Variants in DIPK2B observed in about 807,000 individuals in gnomAD.
DIPK2B encodes UPF0672 protein CXorf36.
In DIPK2B, 15 loss-of-function variants were observed where a neutral mutation model predicts 22.2. That is an observed-to-expected ratio of 0.68 (90% CI 0.45 to 1.04). The LOEUF is 1.04. Among genes scored for constraint, DIPK2B ranks in the 50% least tolerant of loss-of-function variants. The pLI, the probability that DIPK2B is intolerant of heterozygous loss-of-function variation, is 0.00. For missense variants in DIPK2B, 345 were observed against 348.3 expected, an observed-to-expected ratio of 0.99 and a Z score of 0.08; for synonymous variants, 163 against 153.2, an observed-to-expected ratio of 1.06 and a Z score of -0.47.
chrX:45,154,270 TCTATCTCC>T, intron 3 of DIPK2B, 72 bp from the exon 4 acceptor site: 1 of 877,851 alleles, frequency 1.1e-6, no homozygotes, highest in Non-Finnish European at 1.5e-6. Context: ...ATTATCTCTA[TCTATCTCC>T]CTATCTATCT....
At chrX:45,181,434 G>A (rs777328568) in intron 2 of DIPK2B, among the ~76,000 whole-genome samples, 6 of 111,825 alleles carry the variant, frequency 5.4e-5, no homozygotes, top group Non-Finnish European at 1.1e-4. Flanking sequence ...TCTGAGAGGC[G>A]TACACTACAG....
intron 2 of DIPK2B, among the ~76,000 whole-genome samples, chrX:45,174,945 G>A (rs967946352): frequency 1.8e-5 from 2 of 111,719 alleles, no homozygotes; most frequent in Non-Finnish European, 3.8e-5. Flanking sequence ...CTACAGGGAA[G>A]TAGAGAAGCC....
At chrX:45,156,358 C>T (rs1048638553) in intron 3 of DIPK2B, among the ~76,000 whole-genome samples, 2 of 111,447 alleles carry the variant, frequency 1.8e-5, no homozygotes, top group African/African-American at 6.5e-5. Context: ...CAGCCATTCC[C>T]GGGTTCCATG....
chrX:45,184,846 CATT>C (rs2148347244), intron 2 of DIPK2B, among the ~76,000 whole-genome samples: 1 of 112,138 alleles, frequency 8.9e-6, no homozygotes, highest in African/African-American at 3.2e-5. Flanking sequence ...GAGTTTTCAT[CATT>C]GTTATTATCC....
chrX:45,177,782 C>G (rs1304531014), intron 2 of DIPK2B, among the ~76,000 whole-genome samples: 2 of 111,398 alleles, frequency 1.8e-5, no homozygotes, highest in Non-Finnish European at 3.8e-5. Context: ...ATTTCAGGGA[C>G]TCTAAAATCA....
chrX:45,187,472 A>G (rs201960466), intron 2 of DIPK2B, among the ~76,000 whole-genome samples: 7,791 of 64,412 alleles, frequency 0.12, 286 homozygotes, highest in East Asian at 0.24. Context: ...GCGCGCGCAC[A>G]CACACACACA....
intron 2 of DIPK2B, chrX:45,164,123 T>A: frequency 8.8e-7 from 1 of 1,135,488 alleles, no homozygotes; most frequent in Non-Finnish European, 1.2e-6. Context: ...GTGGTTGGTA[T>A]AACACAGTTG....
chrX:45,183,047 G>A (rs768097761), intron 2 of DIPK2B, among the ~76,000 whole-genome samples: 19 of 111,910 alleles, frequency 1.7e-4, no homozygotes, highest in African/African-American at 5.8e-4. Context: ...GTAAATACAC[G>A]AGTGAAAATT....
At position 45,151,288 on chromosome X, in the gene DIPK2B, A is replaced by C; in HGVS notation, c.*364T>G. ...AGAACACACTTTGTAACCACCTGGG[A>C]TGGAGGTGGTGAGCATGTGTCCCAA... is the stretch of plus-strand genomic sequence containing the variant. On this transcript the variant is annotated 3_prime_UTR_variant, in exon 5 of 5. Transcript: ENST00000398000. The C allele has an allele frequency of 6.1e-6, 1 of 163,412 alleles. No individual in the cohort carries two copies. The highest frequency in any genetic ancestry group is 1.2e-5 in the Non-Finnish European group (1 of 86,888). The allele number at this position is 163,412 out of a possible 1,213,427, so 13.5% of individuals were successfully genotyped here.
intron 2 of DIPK2B, among the ~76,000 whole-genome samples, chrX:45,184,781 A>G (rs2047172688): frequency 8.9e-6 from 1 of 112,079 alleles, no homozygotes; most frequent in Non-Finnish European, 1.9e-5. Flanking sequence ...TTGATTTTCA[A>G]TTTTCCTCTG....
chrX:45,153,473 T>TG (rs1333237607), intron 4 of DIPK2B, among the ~76,000 whole-genome samples: 21 of 86,096 alleles, frequency 2.4e-4, no homozygotes, highest in Admixed American at 1.4e-3. Flanking sequence ...ACCCAAAAGT[T>TG]TTGTGTGTGT....
intron 2 of DIPK2B, among the ~76,000 whole-genome samples, chrX:45,164,472 T>C (rs1436661911): frequency 1.8e-5 from 2 of 111,235 alleles, no homozygotes; most frequent in Non-Finnish European, 3.8e-5. Context: ...TGGATGAAGC[T>C]GGAAACCATA....
intron 2 of DIPK2B, among the ~76,000 whole-genome samples, chrX:45,165,433 T>C (rs766018331): frequency 9.1e-6 from 1 of 110,321 alleles, no homozygotes; most frequent in African/African-American, 3.4e-5. Context: ...AGTTGCTGAC[T>C]CCTCACATCA....
chrX:45,153,793 A>T, intron 4 of DIPK2B, 117 bp downstream of exon 4: 2 of 574,332 alleles, frequency 3.5e-6, no homozygotes, highest in Non-Finnish European at 5.4e-6. Context: ...AGTGGCTCTC[A>T]CTATGACATG....
intron 2 of DIPK2B, among the ~76,000 whole-genome samples, chrX:45,165,026 G>T (rs897321536): frequency 7.2e-5 from 8 of 111,581 alleles, no homozygotes; most frequent in Non-Finnish European, 1.3e-4. Flanking sequence ...TCCCAAACTT[G>T]GCTGACAGTC....
chrX:45,181,676 T>C (rs2047153563), intron 2 of DIPK2B, among the ~76,000 whole-genome samples: 1 of 112,034 alleles, frequency 8.9e-6, no homozygotes, highest in Non-Finnish European at 1.9e-5. Context: ...TAACACCTAC[T>C]GTACATCACT....
At chrX:45,183,300 G>A (rs1267510696) in intron 2 of DIPK2B, 4 of 111,777 alleles carry the variant, frequency 3.6e-5, no homozygotes, top group Non-Finnish European at 7.5e-5. Context: ...GTGGTAAACA[G>A]GAATGAAAAG....
At chrX:45,173,032 C>A (rs927422109) in intron 2 of DIPK2B, among the ~76,000 whole-genome samples, 8 of 111,514 alleles carry the variant, frequency 7.2e-5, no homozygotes, top group African/African-American at 2.6e-4. Flanking sequence ...GCTTCTAGTT[C>A]CCCCTAGCCC....
At position 45,151,391 on chromosome X, in the gene DIPK2B, C is replaced by T. The variant is rs4074014; in HGVS notation, c.*261G>A. 0.49 allele frequency: 192,777 copies of T among 389,582 alleles called. 34,369 individuals carry two copies. Among genetic ancestry groups the T allele is most frequent in the East Asian group, 0.78 (18,316 of 23,475 alleles). 32.1% of individuals were successfully genotyped at this position (389,582 alleles called of 1,213,427 possible). A position where few individuals can be genotyped will look rare whatever the true frequency, so the allele number is the denominator to read the frequency against. ...ACCCTCAGGAGAGTCTGGTGGAGAA[C>T]AGAGGAAACTGAGGCTCAAAGACAT... On this transcript the variant is annotated 3_prime_UTR_variant, in exon 5 of 5. Coordinates refer to ENST00000398000, the MANE Select transcript of DIPK2B (RefSeq NM_176819.4).
Sources: gnomAD v4.1 joint callset for allele counts (sites outside exome capture counted in the v4.1 genomes callset) on GRCh38, gnomAD v4.1.1 for gene constraint, MANE v1.5 for transcripts, NCBI Gene and HGNC (gene_info 2026-07-23, HGNC 2026-07-21) for gene names.